Variants in UBE2V1 observed in about 807,000 individuals in gnomAD.
UBE2V1 encodes ubiquitin-conjugating enzyme E2 variant 1.
In UBE2V1, 15 loss-of-function variants were observed where a neutral mutation model predicts 19.6. The observed-to-expected ratio is 0.77, with a 90% confidence interval of 0.51 to 1.18. The LOEUF (loss-of-function observed/expected upper bound fraction) is 1.18. Ranked by LOEUF, UBE2V1 falls within the 50% of genes most tolerant of loss-of-function variation. UBE2V1 has a pLI of 0.00. For missense variants in UBE2V1, 125 were observed against 184.8 expected, an observed-to-expected ratio of 0.68 and a Z score of 1.88; for synonymous variants, 60 against 60.7, an observed-to-expected ratio of 0.99 and a Z score of 0.05.
chr20:50,100,260 A>T (rs573506346), intron 1 of UBE2V1, among the ~76,000 whole-genome samples: 1 of 149,740 alleles, frequency 6.7e-6, no homozygotes, highest in South Asian at 2.1e-4. Flanking sequence ...CAGCCTGGGC[A>T]ACAGAGCAAG....
At chr20:50,110,560 T>C (rs1227136765) in intron 1 of UBE2V1, among the ~76,000 whole-genome samples, 1 of 152,164 alleles carries the variant, frequency 6.6e-6, no homozygotes, top group Non-Finnish European at 1.5e-5. Context: ...GTACACTCAT[T>C]TTAGTTTACC....
Position 50,082,761 on chromosome 20 carries a change from T to G in UBE2V1, c.*7A>C, listed in dbSNP as rs1327160254. ...GAAGGGGAAGGGCCTGTGGTTTTTCTTTTTGATTAATTGCTGTAACACTGT... is the reference window on the plus strand; with the variant it reads ...GAAGGGGAAGGGCCTGTGGTTTTTCGTTTTGATTAATTGCTGTAACACTGT... On this transcript the variant is annotated 3_prime_UTR_variant, in exon 4 of 4. Coordinates refer to ENST00000371674, the MANE Select transcript of UBE2V1 (RefSeq NM_001032288.3). 6.2e-7 allele frequency: 1 copy of G among 1,609,390 alleles called. No homozygotes were observed. Among genetic ancestry groups the G allele is most frequent in the Non-Finnish European group, 8.5e-7 (1 of 1,179,534 alleles).
intron 2 of UBE2V1, among the ~76,000 whole-genome samples, chr20:50,085,547 T>C (rs565712942): frequency 6.6e-6 from 1 of 152,076 alleles, no homozygotes; most frequent in South Asian, 2.1e-4. Context: ...CATCAGTGCC[T>C]TCTCCGGCAT....
intron 1 of UBE2V1, among the ~76,000 whole-genome samples, chr20:50,102,739 A>T (rs1233257113): frequency 6.6e-6 from 1 of 152,152 alleles, no homozygotes; most frequent in Non-Finnish European, 1.5e-5. Flanking sequence ...TCCTACCAGA[A>T]GCCTACTCTT....
At chr20:50,113,086 G>C in intron 1 of UBE2V1, 21 bp downstream of exon 1, 1 of 1,206,024 alleles carries the variant, frequency 8.3e-7, no homozygotes. Flanking sequence ...TCGGCCGGCC[G>C]GGCCCGGCGC....
chr20:50,114,690 G>C (rs1314804682), upstream of UBE2V1, among the ~76,000 whole-genome samples: 1 of 152,132 alleles, frequency 6.6e-6, no homozygotes, highest in Non-Finnish European at 1.5e-5. Context: ...GGACGAGGAT[G>C]GGGTGGTCAG....
intron 2 of UBE2V1, among the ~76,000 whole-genome samples, chr20:50,089,716 T>G (rs1421104599): frequency 1.3e-5 from 2 of 152,218 alleles, no homozygotes; most frequent in African/African-American, 2.4e-5. Context: ...TCTTTCTGAG[T>G]GAGCACGGGG....
rs750465243 is a variant in UBE2V1, at chr20:50,084,358, C to T, written c.172-104G>A. On this transcript the variant is annotated intron_variant, in intron 2 of 3. Coordinates refer to ENST00000371674, the MANE Select transcript of UBE2V1 (RefSeq NM_001032288.3). ...ATCCCTGACTGTAGAACTGGTACATCTGCTTCCAGCATGGAGTCTACTTGT... is the reference window on the plus strand; with the variant it reads ...ATCCCTGACTGTAGAACTGGTACATTTGCTTCCAGCATGGAGTCTACTTGT... 9.4e-6 allele frequency: 15 copies of T among 1,592,764 alleles called. No individual in the cohort carries two copies. In the Admixed American group the frequency reaches 2.3e-4, roughly 25 times the overall value.
rs757511844 is a variant in UBE2V1, at chr20:50,082,955, C to G, written c.298-41G>C. On this transcript the variant is annotated intron_variant, in intron 3 of 3. Coordinates refer to ENST00000371674, the MANE Select transcript of UBE2V1 (RefSeq NM_001032288.3). ...CAAAAGCAAATTACTCTCAGACTCT[C>G]AAACAAAATAGCTATATGCCGGGGT... is the stretch of plus-strand genomic sequence containing the variant. 1.9e-6 allele frequency: 3 copies of G among 1,595,324 alleles called. No homozygotes were observed. In the African/African-American group the frequency reaches 4.0e-5, roughly 21 times the overall value.
rs113362135 is a variant in UBE2V1 at position 50,096,443 on chromosome 20, T to C, written c.171+229A>G. The C allele has an allele frequency of 2.2e-5, 24 of 1,099,162 alleles. 3 individuals carry two copies. The Middle Eastern group carries it at 6.5e-4, about 30-fold the overall frequency. The allele number at this position is 1,099,162 out of a possible 1,614,324, so 68.1% of individuals were successfully genotyped here. On this transcript the variant is annotated intron_variant, in intron 2 of 3. Transcript: ENST00000371674. ...TCACACCTCACTGTCTACATTGTCA[T>C]ATAAATTCACACTATGAGTCTAAAC... is the stretch of plus-strand genomic sequence containing the variant.
At chr20:50,090,822 TACAC>T (rs2079173324) in intron 2 of UBE2V1, among the ~76,000 whole-genome samples, 1 of 152,234 alleles carries the variant, frequency 6.6e-6, no homozygotes, top group Non-Finnish European at 1.5e-5. Context: ...ACAAGGTAGC[TACAC>T]GTGGTGATGG....
chr20:50,111,509 T>C, intron 1 of UBE2V1: 4 of 1,000,358 alleles, frequency 4.0e-6, no homozygotes, highest in Non-Finnish European at 4.8e-6. Context: ...ATCTCTCTTC[T>C]GGGAGTGCCT....
chr20:50,102,415 G>T (rs1425402152), intron 1 of UBE2V1, among the ~76,000 whole-genome samples: 1 of 152,136 alleles, frequency 6.6e-6, no homozygotes, highest in Admixed American at 6.6e-5. Flanking sequence ...ATCCTTGCAT[G>T]TTCATTGTAC....
intron 1 of UBE2V1, among the ~76,000 whole-genome samples, chr20:50,103,251 G>T (rs1433987150): frequency 1.3e-5 from 2 of 152,112 alleles, no homozygotes; most frequent in African/African-American, 2.4e-5. Flanking sequence ...GTATTAGCTA[G>T]GAACAGTATT....
intron 2 of UBE2V1, among the ~76,000 whole-genome samples, chr20:50,087,676 G>A (rs900354297): frequency 3.3e-5 from 5 of 152,186 alleles, no homozygotes; most frequent in Admixed American, 2.0e-4. Context: ...AAATGGGCAT[G>A]CTCAGACCAG....
Position 50,082,777 on chromosome 20 carries a change from G to A in UBE2V1, c.435C>T (p.Tyr145=). ...TGGTTTTTCTTTTTGATTAATTGCTGTAACACTGTCCTTCGGGCGGCTGAG... is the reference window on the plus strand; with the variant it reads ...TGGTTTTTCTTTTTGATTAATTGCTATAACACTGTCCTTCGGGCGGCTGAG... ...KLPQPPEGQC[Y]SN is the part of the protein sequence containing the mutation. The change falls in exon 4 of 4, where the codon TAC becomes TAT. Residue 145 remains tyrosine, a synonymous_variant. Coordinates refer to ENST00000371674, the MANE Select transcript of UBE2V1 (RefSeq NM_001032288.3). 6.2e-7 allele frequency: 1 copy of A among 1,612,124 alleles called. No homozygotes were observed. The highest frequency in any genetic ancestry group is 1.1e-5 in the South Asian group (1 of 91,050).
intron 1 of UBE2V1, among the ~76,000 whole-genome samples, chr20:50,109,729 C>G (rs2080623849): frequency 8.0e-6 from 1 of 124,848 alleles, no homozygotes; most frequent in Non-Finnish European, 1.6e-5. Context: ...AGCCAGGTGA[C>G]AGGGCGAAAC....
At chr20:50,115,259 C>CAGG (rs1471293662), upstream of UBE2V1, among the ~76,000 whole-genome samples, 1 of 152,168 alleles carries the variant, frequency 6.6e-6, no homozygotes, top group East Asian at 1.9e-4. Flanking sequence ...AGATCCAGCA[C>CAGG]CATCCCCTCA....
At chr20:50,112,387 A>T (rs969031549) in intron 1 of UBE2V1, among the ~76,000 whole-genome samples, 4 of 152,150 alleles carry the variant, frequency 2.6e-5, no homozygotes, top group Non-Finnish European at 5.9e-5. Context: ...CTCGAACAGG[A>T]GACTGGTAAT....
Sources: allele counts gnomAD v4.1 joint callset (sites outside exome capture counted in the v4.1 genomes callset), GRCh38; gene constraint gnomAD v4.1.1; transcripts MANE v1.5; gene names NCBI Gene and HGNC (gene_info 2026-07-23, HGNC 2026-07-21).